ZFYVE26: variants seen among roughly 807,000 people sequenced by gnomAD.
ZFYVE26 encodes zinc finger FYVE domain-containing protein 26.
In ZFYVE26, 181 loss-of-function variants were observed where a neutral mutation model predicts 276.5. That is an observed-to-expected ratio of 0.65 (90% CI 0.58 to 0.74). ZFYVE26 has a LOEUF of 0.74. Among genes scored for constraint, ZFYVE26 ranks in the 30% least tolerant of loss-of-function variants. ZFYVE26 has a pLI of 0.00. For synonymous variants in ZFYVE26, 1,129 were observed against 1,203.1 expected (o/e 0.94, Z 1.27); for missense variants, 2,821 against 3,097.9 (o/e 0.91, Z 2.12).
intron 14 of ZFYVE26, among the ~76,000 whole-genome samples, chr14:67,791,419 C>T (rs1011628340): frequency 6.6e-6 from 1 of 151,948 alleles, no homozygotes; most frequent in Non-Finnish European, 1.5e-5. Flanking sequence ...AAGACAAATG[C>T]TAATATTAAA....
chr14:67,799,074 C>G (rs2040026577), intron 10 of ZFYVE26: 6 of 1,192,204 alleles, frequency 5.0e-6, no homozygotes, highest in Middle Eastern at 2.6e-4. Context: ...GAGCAGGGAA[C>G]AGTGGACGAG....
Position 67,814,060 on chromosome 14 carries a change from C to T in ZFYVE26, c.199G>A (p.Gly67Arg). Residue 67 changes from glycine to arginine, a missense_variant, in exon 3 of 42, where the codon GGG becomes AGG. By Grantham distance (125) the Gly-to-Arg change is moderately radical. Transcript: ENST00000347230. ...ACTCTTTGAGGGTTGATGTCCTGCCCACATCTGAAAAAGGTAAAAAGAAAG... is the reference window on the plus strand; with the variant it reads ...ACTCTTTGAGGGTTGATGTCCTGCCTACATCTGAAAAAGGTAAAAAGAAAG... ...LVVCPNLLRC[G>R]QDINPQRVAW... is the part of the protein sequence containing the mutation. The T allele has an allele frequency of 1.2e-6, 2 of 1,613,094 alleles. No individual in the cohort carries two copies. Among genetic ancestry groups the T allele is most frequent in the Non-Finnish European group, 1.7e-6 (2 of 1,179,256 alleles).
intron 8 of ZFYVE26, among the ~76,000 whole-genome samples, chr14:67,804,545 T>C (rs1420913261): frequency 2.6e-5 from 4 of 152,162 alleles, no homozygotes; most frequent in African/African-American, 9.7e-5. Flanking sequence ...ATTTTCTAAT[T>C]TCTACACCCT....
Position 67,748,195 on chromosome 14 carries a change from T to G in ZFYVE26, c.*241A>C. On this transcript the variant is annotated 3_prime_UTR_variant, in exon 42 of 42. Coordinates refer to ENST00000347230, the MANE Select transcript of ZFYVE26 (RefSeq NM_015346.4). ...ACATACTCACTCACTCACTCTGAGG[T>G]AGAAAGAACTGGCCATCTCCAGACA... is the stretch of plus-strand genomic sequence containing the variant. 1.7e-6 allele frequency: 1 copy of G among 574,358 alleles called. No individual in the cohort carries two copies. The allele number at this position is 574,358 out of a possible 1,614,324, so 35.6% of individuals were successfully genotyped here.
rs998977684 is a variant in ZFYVE26 at position 67,754,188 on chromosome 14, C to T, written c.7011G>A (p.Gln2337=). The T allele has an allele frequency of 6.2e-7, 1 of 1,614,274 alleles. No homozygotes were observed. Among genetic ancestry groups the T allele is most frequent in the Non-Finnish European group, 8.5e-7 (1 of 1,180,056 alleles). The change falls in exon 38 of 42, where the codon CAG becomes CAA. Residue 2337 remains glutamine (Q), a synonymous_variant. Coordinates refer to ENST00000347230, the MANE Select transcript of ZFYVE26 (RefSeq NM_015346.4). ...VSRHMNTLQL[Q]MEVTRFLHRC... ...GATGCAAGAACCTGGTCACTTCCAT[C>T]TGCAGCTGAAGTGTGTTCATGTGCC...
Position 67,804,344 on chromosome 14 carries a change from G to A in ZFYVE26, c.1272-80C>T. 4 of 1,530,188 alleles carry A rather than the reference G, an allele frequency of 2.6e-6. No homozygotes were observed. In the South Asian group the frequency reaches 3.5e-5, roughly 13 times the overall value. 94.8% of individuals were successfully genotyped at this position (1,530,188 alleles called of 1,614,324 possible). On this transcript the variant is annotated intron_variant, in intron 8 of 41. Coordinates refer to ENST00000347230, the MANE Select transcript of ZFYVE26 (RefSeq NM_015346.4). ...GAAAGATCAATCTCCATTCCCTCTT[G>A]TTCTTCCTCTCTGGACCATAATGCC...
chr14:67,763,134 A>C (rs1252599636), intron 32 of ZFYVE26, among the ~76,000 whole-genome samples: 1 of 152,132 alleles, frequency 6.6e-6, no homozygotes, highest in Non-Finnish European at 1.5e-5. Context: ...TGAACTCCTG[A>C]CATCAGGTGA....
In ZFYVE26 at chr14:67,761,601, C is replaced by G. The variant is rs768070053; in HGVS notation, c.6370-17G>C. ...GTCATCTTGCTGACAGCACAGGGAG[C>G]GAGAGAGAAAAATGAAACTCAAAAA... On this transcript the variant is annotated splice_polypyrimidine_tract_variant and intron_variant, in intron 34 of 41. Coordinates refer to ENST00000347230, the MANE Select transcript of ZFYVE26 (RefSeq NM_015346.4). 9.9e-6 allele frequency: 16 copies of G among 1,610,202 alleles called. No individual in the cohort carries two copies. The highest frequency in any genetic ancestry group is 1.3e-5 in the Non-Finnish European group (15 of 1,177,812).
At chr14:67,769,877 A>C (rs1763738832) in intron 28 of ZFYVE26, 147 bp from the exon 29 acceptor site, 4 of 1,061,014 alleles carry the variant, frequency 3.8e-6, no homozygotes, top group Admixed American at 4.3e-5. Context: ...AGGACACACC[A>C]GTCCTTGCCC....
At chr14:67,735,459 G>A (rs757781956) in intron 13 of ZFYVE26, 115 of 586,688 alleles carry the variant, frequency 2.0e-4, no homozygotes, top group Non-Finnish European at 3.1e-4. Context: ...CACAAACAAT[G>A]CCGGGGGATT....
chr14:67,739,424 C>A (rs974799653), intron 13 of ZFYVE26, among the ~76,000 whole-genome samples: 2 of 152,134 alleles, frequency 1.3e-5, no homozygotes, highest in African/African-American at 4.8e-5. Context: ...ATAAATTGAC[C>A]TTATTAAGTC....
intron 20 of ZFYVE26, 110 bp from the exon 21 acceptor site, chr14:67,783,635 T>C (rs745492045): frequency 8.4e-5 from 118 of 1,402,286 alleles, no homozygotes; most frequent in Non-Finnish European, 1.1e-4. Context: ...AAGTTCCTAA[T>C]TGTCACACTC....
At chr14:67,761,105 T>C (rs946738778) in intron 35 of ZFYVE26, 1 of 641,570 alleles carries the variant, frequency 1.6e-6, no homozygotes, top group Middle Eastern at 4.1e-4. Flanking sequence ...CACTATCCGA[T>C]TCTGCTGCAT....
At chr14:67,758,178 A>G (rs967099092) in intron 35 of ZFYVE26, among the ~76,000 whole-genome samples, 1 of 152,236 alleles carries the variant, frequency 6.6e-6, no homozygotes, top group Non-Finnish European at 1.5e-5. Flanking sequence ...GACACTGGGC[A>G]CAAGCTGTTT....
At chr14:67,761,100 T>C in intron 35 of ZFYVE26, 1 of 638,880 alleles carries the variant, frequency 1.6e-6, no homozygotes, top group Non-Finnish European at 2.8e-6. Flanking sequence ...TTAACCACTA[T>C]CCGATTCTGC....
chr14:67,731,207 CTTTTTTTTTTT>C (rs71129853), intron 13 of ZFYVE26, among the ~76,000 whole-genome samples: 2 of 90,622 alleles, frequency 2.2e-5, no homozygotes, highest in Non-Finnish European at 4.0e-5. Context: ...TTCTTTCTTT[CTTTTTTTTTTT>C]TTTTTTTTTT....
At chr14:67,781,611 G>T in intron 21 of ZFYVE26, 82 bp from the exon 22 acceptor site, 1 of 1,324,326 alleles carries the variant, frequency 7.6e-7, no homozygotes, top group Non-Finnish European at 1.1e-6. Flanking sequence ...TTGAGAAAGG[G>T]CTTTCTTCAA....
At chr14:67,766,094 T>G in intron 32 of ZFYVE26, 133 bp downstream of exon 32, 1 of 904,822 alleles carries the variant, frequency 1.1e-6, no homozygotes, top group Non-Finnish European at 1.8e-6. Flanking sequence ...TCATCAACAT[T>G]ACACAGATGA....
At chr14:67,806,099 A>T (rs1198353485) in intron 6 of ZFYVE26, among the ~76,000 whole-genome samples, 3 of 152,226 alleles carry the variant, frequency 2.0e-5, no homozygotes, top group African/African-American at 7.2e-5. Context: ...GAGCTCCCTG[A>T]AGGCAGAGAC....
Sources: gnomAD v4.1 joint callset for allele counts (sites outside exome capture counted in the v4.1 genomes callset) on GRCh38, gnomAD v4.1.1 for gene constraint, MANE v1.5 for transcripts, NCBI Gene and HGNC (gene_info 2026-07-23, HGNC 2026-07-21) for gene names.